NMRK1: variants seen among roughly 807,000 people sequenced by gnomAD.
NMRK1 encodes the protein nicotinamide riboside kinase 1.
A neutral mutation model predicts 29.9 loss-of-function variants in NMRK1; 28 were observed. The observed-to-expected ratio is 0.94, with a 90% CI of 0.69 to 1.28. The LOEUF (loss-of-function observed/expected upper bound fraction) is 1.28, where lower values mean the gene tolerates loss of function less well. Ranked by LOEUF, NMRK1 falls within the 50% of genes most tolerant of loss-of-function variation. The pLI, the probability that NMRK1 is intolerant of heterozygous loss-of-function variation, is 0.00. For synonymous variants in NMRK1, 58 were observed against 73.0 expected (o/e 0.79, Z 1.05); for missense variants, 218 against 233.1 (o/e 0.94, Z 0.42).
At chr9:75,086,410 G>A (rs1824634381) in intron 1 of NMRK1, among the ~76,000 whole-genome samples, 1 of 152,160 alleles carries the variant, frequency 6.6e-6, no homozygotes, top group East Asian at 1.9e-4. Context: ...TTTTCCCAGT[G>A]CGTGCAAGGC....
intron 7 of NMRK1, among the ~76,000 whole-genome samples, chr9:75,068,309 T>C (rs7021926): frequency 0.78 from 118,081 of 152,038 alleles, 45,974 homozygotes; most frequent in Admixed American, 0.82. Context: ...AGAGAGCTTC[T>C]TACTTCTCTG....
chr9:75,068,152 AGCTGTTCTATCACCCAGTTC>A (rs960584258), intron 7 of NMRK1, among the ~76,000 whole-genome samples: 1 of 152,028 alleles, frequency 6.6e-6, no homozygotes, highest in Non-Finnish European at 1.5e-5. Context: ...CCCCCTCCAT[AGCTGTTCTATCACCCAGTTC>A]TACTGAGTGC....
intron 2 of NMRK1, among the ~76,000 whole-genome samples, chr9:75,081,450 A>T (rs1302574503): frequency 6.6e-6 from 1 of 152,204 alleles, no homozygotes; most frequent in African/African-American, 2.4e-5. Context: ...ATTAGAAATC[A>T]TGGCACTTGC....
At chr9:75,068,038 C>T (rs533876441) in intron 7 of NMRK1, among the ~76,000 whole-genome samples, 1 of 152,278 alleles carries the variant, frequency 6.6e-6, no homozygotes, top group South Asian at 2.1e-4. Flanking sequence ...GGCACCTCAA[C>T]CTCATTATGT....
intron 4 of NMRK1, among the ~76,000 whole-genome samples, chr9:75,073,021 T>C (rs1342579821): frequency 6.6e-6 from 1 of 152,222 alleles, no homozygotes; most frequent in Non-Finnish European, 1.5e-5. Context: ...CGTCCCCCTA[T>C]GTTAAAGTCC....
chr9:75,069,246 A>G (rs1345724086), intron 6 of NMRK1, 144 bp from the exon 7 acceptor site: 38 of 578,626 alleles, frequency 6.6e-5, no homozygotes, highest in Non-Finnish European at 4.0e-5. Context: ...TTTTAACTCA[A>G]TGGCAGTTAG....
intron 4 of NMRK1, among the ~76,000 whole-genome samples, chr9:75,076,022 C>T (rs1785340109): frequency 6.6e-6 from 1 of 152,112 alleles, no homozygotes; most frequent in African/African-American, 2.4e-5. Context: ...ACAGAGATTC[C>T]TCAAAAAATT....
intron 1 of NMRK1, 21 bp downstream of exon 1, chr9:75,087,987 G>C (rs896619080): frequency 1.3e-5 from 2 of 153,876 alleles, no homozygotes; most frequent in Non-Finnish European, 2.9e-5. Flanking sequence ...GCGCGGCAGG[G>C]GCGAGCAGGT....
At chr9:75,084,245 A>T in intron 1 of NMRK1, among the ~76,000 whole-genome samples, 1 of 152,142 alleles carries the variant, frequency 6.6e-6, no homozygotes, top group East Asian at 1.9e-4. Flanking sequence ...GTTGCCAGGG[A>T]CCTAGGCCGT....
At chr9:75,083,315 T>C (rs1824428264) in intron 1 of NMRK1, among the ~76,000 whole-genome samples, 165 bp from the exon 2 acceptor site, 1 of 152,216 alleles carries the variant, frequency 6.6e-6, no homozygotes, top group South Asian at 2.1e-4. Context: ...CTTCCCCTGC[T>C]ACCACTGAGT....
At position 75,068,061 on chromosome 9, in the gene NMRK1, T is replaced by C. The variant is rs115238589; in HGVS notation, c.496+935A>G. Among the ~76,000 whole-genome samples, 982 of 152,298 alleles carry C rather than the reference T, an allele frequency of 6.4e-3. 4 individuals carry two copies. Among genetic ancestry groups the C allele is most frequent in the African/African-American group, 0.023 (950 of 41,566 alleles). On this transcript the variant is annotated intron_variant, in intron 7 of 8. Transcript: ENST00000361092. ...AACCTCATTATGTGCAAAAGAGACATGCATTCCTCCCTTACAGGTCTGCAA... is the reference window on the plus strand; with the variant it reads ...AACCTCATTATGTGCAAAAGAGACACGCATTCCTCCCTTACAGGTCTGCAA...
In NMRK1 at chr9:75,088,016, A is replaced by ATGGC. The variant is rs1824788822; in HGVS notation, c.-45_-44insGCCA. ...AGCAGGTACGCACTCACCTGGCGCC[A>ATGGC]GTTCGAGTCCTCCCAAACACAGCGG... On this transcript the variant is annotated 5_prime_UTR_variant, in exon 1 of 9. In the 5' UTR this introduces an upstream ATG that the reference lacks. Coordinates refer to ENST00000361092, the MANE Select transcript of NMRK1 (RefSeq NM_017881.3). 3 of 152,818 alleles carry ATGGC rather than the reference A, an allele frequency of 2.0e-5. No individual in the cohort carries two copies. The highest frequency in any genetic ancestry group is 6.5e-5 in the Admixed American group (1 of 15,282). The allele number at this position is 152,818 out of a possible 1,614,324, so 9.5% of individuals were successfully genotyped here. A position where few individuals can be genotyped will look rare whatever the true frequency, so the allele number is the denominator to read the frequency against.
chr9:75,066,284 C>A (rs760694682), intron 8 of NMRK1: 6 of 518,348 alleles, frequency 1.2e-5, no homozygotes, highest in Non-Finnish European at 1.9e-5. Flanking sequence ...CAAACAGTGC[C>A]GTCCAATATG....
Position 75,061,198 on chromosome 9 carries a change from T to G in NMRK1, c.*350A>C. The G allele has an allele frequency of 7.9e-6, 2 of 253,218 alleles. No homozygotes were observed. Among genetic ancestry groups the G allele is most frequent in the Non-Finnish European group, 1.5e-5 (2 of 131,898 alleles). The allele number at this position is 253,218 out of a possible 1,614,324, so 15.7% of individuals were successfully genotyped here. On this transcript the variant is annotated 3_prime_UTR_variant, in exon 9 of 9. Coordinates refer to ENST00000361092, the MANE Select transcript of NMRK1 (RefSeq NM_017881.3). ...AAACATACACAATGAATTCCACAGA[T>G]ATTGGATTGTGATGTAATCTTTATT... is the stretch of plus-strand genomic sequence containing the variant.
chr9:75,072,396 C>T (rs1198916717), intron 4 of NMRK1, among the ~76,000 whole-genome samples: 1 of 152,148 alleles, frequency 6.6e-6, no homozygotes, highest in Non-Finnish European at 1.5e-5. Flanking sequence ...AGTCTTACTA[C>T]TTTTGATATA....
At position 75,077,493 on chromosome 9, in the gene NMRK1, G is replaced by T; in HGVS notation, c.117C>A (p.Phe39Leu). ...ATTTAAGAAGTTTTATAGATACCTT[G>T]AAGAAATCATCCTGAGATATGACAC... ...NCSVISQDDF[F>L]KPESEIETDK... is the part of the protein sequence containing the mutation. Residue 39 changes from phenylalanine (F) to leucine (L), a missense_variant, in exon 3 of 9, where the codon TTC (phenylalanine) becomes TTA (leucine). Phe to Leu is a conservative substitution (Grantham distance 22). Coordinates refer to ENST00000361092, the MANE Select transcript of NMRK1 (RefSeq NM_017881.3). 1 of 1,595,844 alleles carries T rather than the reference G, an allele frequency of 6.3e-7. No individual in the cohort carries two copies. Among genetic ancestry groups the T allele is most frequent in the East Asian group, 2.2e-5 (1 of 44,802 alleles).
At chr9:75,065,624 A>C (rs1823294672) in intron 8 of NMRK1, among the ~76,000 whole-genome samples, 1 of 152,098 alleles carries the variant, frequency 6.6e-6, no homozygotes, top group Non-Finnish European at 1.5e-5. Flanking sequence ...TGGCCAGAGA[A>C]ATTTTTAAAA....
chr9:75,081,527 A>T (rs1489153991), intron 2 of NMRK1, among the ~76,000 whole-genome samples: 1 of 152,248 alleles, frequency 6.6e-6, no homozygotes, highest in Non-Finnish European at 1.5e-5. Flanking sequence ...ACACAGGACA[A>T]GACAGAAGGT....
chr9:75,078,299 G>A (rs764469910), intron 2 of NMRK1: 53 of 1,556,770 alleles, frequency 3.4e-5, no homozygotes, highest in Non-Finnish European at 4.0e-5. Flanking sequence ...AAAAAACAGA[G>A]GAGTGGCTTA....
Sources: gnomAD v4.1 joint callset for allele counts (sites outside exome capture counted in the v4.1 genomes callset) on GRCh38, gnomAD v4.1.1 for gene constraint, MANE v1.5 for transcripts, NCBI Gene and HGNC (gene_info 2026-07-23, HGNC 2026-07-21) for gene names.